PILRB: variants seen among roughly 807,000 people sequenced by gnomAD.
PILRB encodes paired immunoglobulin-like type 2 receptor beta.
In PILRB, 21 loss-of-function variants were observed where a neutral mutation model predicts 20.5. The observed-to-expected ratio is 1.02, with a 90% CI of 0.72 to 1.47. PILRB has a LOEUF of 1.47. Ranked by LOEUF, PILRB falls within the 40% of genes most tolerant of loss-of-function variation. The pLI is 0.00. For missense variants in PILRB, 253 were observed against 272.1 expected (o/e 0.93, Z 0.49); for synonymous variants, 133 against 115.1 (o/e 1.16, Z -0.99).
chr7:100,364,612 A>G (rs1420227909), intron 3 of PILRB, among the ~76,000 whole-genome samples: 1 of 152,248 alleles, frequency 6.6e-6, no homozygotes, highest in Non-Finnish European at 1.5e-5. Context: ...AGAAGCTGCC[A>G]TGGCAGATTA....
Position 100,358,675 on chromosome 7 carries a change from C to T in PILRB, c.65-15C>T, listed in dbSNP as rs758212964. ...TTTCAAGGTCTCTCCCCCACTCACT[C>T]CCTCCTTCCTCTAGGTGGCTCCACA... On this transcript the variant is annotated splice_polypyrimidine_tract_variant and intron_variant, in intron 1 of 3. Coordinates refer to ENST00000609309, the MANE Select transcript of PILRB (RefSeq NM_178238.4). The T allele has an allele frequency of 1.2e-6, 2 of 1,611,314 alleles. No individual in the cohort carries two copies. The highest frequency in any genetic ancestry group is 2.7e-5 in the African/African-American group (2 of 74,810).
Position 100,359,509 on chromosome 7 carries a change from C to T in PILRB, c.627C>T (p.Leu209=). 1 of 1,568,344 alleles carries T rather than the reference C, an allele frequency of 6.4e-7. No individual in the cohort carries two copies. Among genetic ancestry groups the T allele is most frequent in the African/African-American group, 1.5e-5 (1 of 65,346 alleles). Reference sequence around the variant, plus strand: ...CTGTCATTTTGGGACTGCTGTGCCTCCTCCTCCTGTGGTGGAGGAGAAGGA... The same window carrying T: ...CTGTCATTTTGGGACTGCTGTGCCTTCTCCTCCTGTGGTGGAGGAGAAGGA... ...LKTVILGLLC[L]LLLWWRRRKG... Residue 209 remains leucine (L), a synonymous_variant, in exon 3 of 4, where the codon CTC becomes CTT. Coordinates refer to ENST00000609309, the MANE Select transcript of PILRB (RefSeq NM_178238.4).
chr7:100,363,271 G>GA (rs1790584306), intron 3 of PILRB, among the ~76,000 whole-genome samples: 1 of 152,034 alleles, frequency 6.6e-6, no homozygotes, highest in South Asian at 2.1e-4. Context: ...CTCATATGTA[G>GA]AAAATCCTAA....
intron 2 of PILRB, 90 bp downstream of exon 2, chr7:100,359,169 G>T (rs947078472): frequency 3.8e-6 from 6 of 1,562,344 alleles, no homozygotes; most frequent in African/African-American, 2.7e-5. Context: ...CCAGTGGTCT[G>T]GATTGAGAGC....
At chr7:100,364,188 A>G (rs1421705372) in intron 3 of PILRB, among the ~76,000 whole-genome samples, 1 of 152,170 alleles carries the variant, frequency 6.6e-6, no homozygotes, top group Admixed American at 6.5e-5. Context: ...AGATAGTCAA[A>G]TGATCCTCAA....
In PILRB at chr7:100,359,075, C is replaced by G. The variant is rs753557706; in HGVS notation, c.450C>G (p.Thr150=). The G allele has an allele frequency of 6.2e-7, 1 of 1,614,016 alleles. No homozygotes were observed. The highest frequency in any genetic ancestry group is 8.5e-7 in the Non-Finnish European group (1 of 1,180,002). ...QSIKGTKLTI[T]QAVTTTTTWR... ...TCAAGGGGACCAAACTCACCATCAC[C>G]CAGGGTGAGTCCAGCTGCCCTGACA... Residue 150 remains threonine, a synonymous_variant, in exon 2 of 4, where the codon ACC becomes ACG. Coordinates refer to ENST00000609309, the MANE Select transcript of PILRB (RefSeq NM_178238.4).
Position 100,358,291 on chromosome 7 carries a change from A to T in PILRB, c.-12A>T. On this transcript the variant is annotated 5_prime_UTR_variant, in exon 1 of 4. Coordinates refer to ENST00000609309, the MANE Select transcript of PILRB (RefSeq NM_178238.4). ...CTGCTGGTCTCCCCGTCCCCTGGAG[A>T]AGAACAAGGCCATGGGTCGGCCCCT... 6.2e-7 allele frequency: 1 copy of T among 1,612,398 alleles called. No individual in the cohort carries two copies. Among genetic ancestry groups the T allele is most frequent in the East Asian group, 2.2e-5 (1 of 44,868 alleles).
At position 100,367,382 on chromosome 7, in the gene PILRB, CAG is replaced by C. The variant is rs763529279; in HGVS notation, c.*8_*9del. ...GCGCCAAGCAGTGACTTCTGACCAA[CAG>C]AGTGTGGGGAGAAGGGATGTGTATT... On this transcript the variant is annotated 3_prime_UTR_variant, in exon 4 of 4. Coordinates refer to ENST00000609309, the MANE Select transcript of PILRB (RefSeq NM_178238.4). The C allele has an allele frequency of 2.0e-5, 16 of 780,994 alleles. No homozygotes were observed. The highest frequency in any genetic ancestry group is 1.4e-4 in the African/African-American group (8 of 59,250). 48.4% of individuals were successfully genotyped at this position (780,994 alleles called of 1,614,324 possible). A position where few individuals can be genotyped will look rare whatever the true frequency, so the allele number is the denominator to read the frequency against.
chr7:100,367,166 T>G (rs11765869), intron 3 of PILRB, among the ~76,000 whole-genome samples, 183 bp from the exon 4 acceptor site: 20,842 of 151,976 alleles, frequency 0.14, 1,784 homozygotes, highest in Non-Finnish European at 0.19. Context: ...GGAGTACAGG[T>G]GCGGGCAGGG....
chr7:100,364,477 G>C (rs1323693859), intron 3 of PILRB, among the ~76,000 whole-genome samples: 1 of 152,156 alleles, frequency 6.6e-6, no homozygotes, highest in Admixed American at 6.5e-5. Context: ...GTATTCTACA[G>C]GTGAAGTATG....
Position 100,359,323 on chromosome 7 carries a change from C to T in PILRB, c.455-14C>T, listed in dbSNP as rs779502806. On this transcript the variant is annotated splice_polypyrimidine_tract_variant and intron_variant, in intron 2 of 3. Coordinates refer to ENST00000609309, the MANE Select transcript of PILRB (RefSeq NM_178238.4). ...CCCCCAGAAGAGGGTCTGCTCATTC[C>T]TCATCTCTTCCAGCTGTCACAACCA... is the stretch of plus-strand genomic sequence containing the variant. 1.9e-6 allele frequency: 3 copies of T among 1,613,636 alleles called. No individual in the cohort carries two copies. The highest frequency in any genetic ancestry group is 2.2e-5 in the East Asian group (1 of 44,888).
At chr7:100,363,352 C>CA in intron 3 of PILRB, among the ~76,000 whole-genome samples, 1 of 152,036 alleles carries the variant, frequency 6.6e-6, no homozygotes, top group Admixed American at 6.6e-5. Context: ...AACATGCAAG[C>CA]AAAAATGTAT....
At position 100,358,321 on chromosome 7, in the gene PILRB, C is replaced by G. The variant is rs776530257; in HGVS notation, c.19C>G (p.Leu7Val). 6.2e-7 allele frequency: 1 copy of G among 1,612,684 alleles called. No individual in the cohort carries two copies. The highest frequency in any genetic ancestry group is 8.5e-7 in the Non-Finnish European group (1 of 1,179,914). Residue 7 changes from leucine (L) to valine (V), a missense_variant, in exon 1 of 4, where the codon CTG (leucine) becomes GTG (valine). Leu to Val is a conservative substitution (Grantham distance 32). Transcript: ENST00000609309. MGRPLL[L>V]PLLLLLQPPA... ...CAAGGCCATGGGTCGGCCCCTGCTG[C>G]TGCCCCTGCTGCTCCTGCTGCAGCC...
At chr7:100,364,268 C>T (rs990437520) in intron 3 of PILRB, among the ~76,000 whole-genome samples, 1 of 152,290 alleles carries the variant, frequency 6.6e-6, no homozygotes, top group South Asian at 2.1e-4. Context: ...AAGCTGGGTA[C>T]TCACATGCAA....
At chr7:100,360,106 A>G (rs1383714966) in intron 3 of PILRB, among the ~76,000 whole-genome samples, 2 of 152,074 alleles carry the variant, frequency 1.3e-5, no homozygotes. Flanking sequence ...GTCATCAATC[A>G]TCCACGCTCC....
At chr7:100,362,849 G>A (rs1046613484) in intron 3 of PILRB, among the ~76,000 whole-genome samples, 5 of 152,190 alleles carry the variant, frequency 3.3e-5, no homozygotes, top group Admixed American at 3.3e-4. Context: ...ACCAGGAAAA[G>A]AAGGAATGTA....
rs936553204 is a variant in PILRB, at chr7:100,367,337, C to A, written c.656-12C>A. On this transcript the variant is annotated splice_polypyrimidine_tract_variant and intron_variant, in intron 3 of 3. Coordinates refer to ENST00000609309, the MANE Select transcript of PILRB (RefSeq NM_178238.4). Reference sequence around the variant, plus strand: ...CCTGGCCCTGCATCTAAAAACACTTCCCCTCCTGCAGGTAGCAGGGCGCCA... The same window carrying A: ...CCTGGCCCTGCATCTAAAAACACTTACCCTCCTGCAGGTAGCAGGGCGCCA... The A allele has an allele frequency of 1.2e-5, 9 of 780,830 alleles. No homozygotes were observed. The highest frequency in any genetic ancestry group is 2.2e-5 in the Non-Finnish European group (9 of 418,026). The allele number at this position is 780,830 out of a possible 1,614,324, so 48.4% of individuals were successfully genotyped here. A position where few individuals can be genotyped will look rare whatever the true frequency, so the allele number is the denominator to read the frequency against.
intron 3 of PILRB, among the ~76,000 whole-genome samples, chr7:100,365,055 A>G (rs1298954254): frequency 6.6e-6 from 1 of 152,194 alleles, no homozygotes; most frequent in Non-Finnish European, 1.5e-5. Flanking sequence ...GCTGGAGTGC[A>G]GCAGTGCAAT....
intron 3 of PILRB, among the ~76,000 whole-genome samples, chr7:100,364,001 G>A (rs947002338): frequency 2.0e-5 from 3 of 152,050 alleles, no homozygotes; most frequent in South Asian, 2.1e-4. Context: ...CCAGCTAATC[G>A]GGAGGCTGAG....
Sources: allele counts gnomAD v4.1 joint callset (sites outside exome capture counted in the v4.1 genomes callset), GRCh38; gene constraint gnomAD v4.1.1; transcripts MANE v1.5; gene names NCBI Gene and HGNC (gene_info 2026-07-23, HGNC 2026-07-21).